Variants in GABBR2 observed in about 807,000 individuals in gnomAD.
GABBR2 encodes gamma-aminobutyric acid type B receptor subunit 2, also known as G-protein coupled receptor 51.
Under a neutral mutation model 105.6 loss-of-function variants are expected in GABBR2, and 23 were observed. The ratio of observed to expected loss-of-function variants is 0.22; its 90% confidence interval spans 0.16 to 0.31. The LOEUF is 0.31. Among genes scored for constraint, GABBR2 ranks in the 10% least tolerant of loss-of-function variants. The pLI is 1.00. For missense variants in GABBR2, 734 were observed against 1,245.5 expected, an observed-to-expected ratio of 0.59 and a Z score of 6.18; for synonymous variants, 478 against 499.7, an observed-to-expected ratio of 0.96 and a Z score of 0.58.
chr9:98,429,608 G>T (rs181722311), intron 7 of GABBR2, among the ~76,000 whole-genome samples: 14 of 152,272 alleles, frequency 9.2e-5, no homozygotes, highest in African/African-American at 3.4e-4. Flanking sequence ...AACAAGGCAT[G>T]GTGGTTAGGA....
intron 2 of GABBR2, among the ~76,000 whole-genome samples, chr9:98,575,791 CTTT>C (rs1828898702): frequency 1.3e-5 from 2 of 152,198 alleles, no homozygotes; most frequent in African/African-American, 4.8e-5. Flanking sequence ...CACATGGCTG[CTTT>C]TCTGGTCTCC....
chr9:98,655,763 A>C lies in GABBR2; in HGVS notation c.321+52654T>G, dbSNP rs144050787. Among the ~76,000 whole-genome samples, 13 of 152,174 alleles carry C rather than the reference A, an allele frequency of 8.5e-5. No homozygotes were observed. The East Asian group carries it at 1.7e-3, about 20-fold the overall frequency. On this transcript the variant is annotated intron_variant, in intron 1 of 18. Coordinates refer to ENST00000259455, the MANE Select transcript of GABBR2 (RefSeq NM_005458.8). Reference sequence around the variant, plus strand: ...AGAAAACCAAACACCGCACGTTCTCACTCATAAGTGGGAGTTGAACAATGA... The same window carrying C: ...AGAAAACCAAACACCGCACGTTCTCCCTCATAAGTGGGAGTTGAACAATGA...
chr9:98,516,183 C>T (rs572770274), intron 3 of GABBR2: 3 of 152,462 alleles, frequency 2.0e-5, no homozygotes, highest in Admixed American at 1.3e-4. Flanking sequence ...CAGAACTGGA[C>T]ATATCCAGGA....
At chr9:98,313,448 C>G (rs1443393990) in intron 13 of GABBR2, among the ~76,000 whole-genome samples, 1 of 152,150 alleles carries the variant, frequency 6.6e-6, no homozygotes, top group African/African-American at 2.4e-5. Context: ...CTTGCCTTCC[C>G]CATTCCATAT....
At chr9:98,493,596 T>G (rs1370561009) in intron 4 of GABBR2, among the ~76,000 whole-genome samples, 3 of 152,226 alleles carry the variant, frequency 2.0e-5, no homozygotes, top group African/African-American at 7.2e-5. Flanking sequence ...TGCTCTCTAC[T>G]ACCTCCAATG....
At chr9:98,644,958 T>C (rs1334186695) in intron 1 of GABBR2, among the ~76,000 whole-genome samples, 2 of 152,208 alleles carry the variant, frequency 1.3e-5, no homozygotes, top group African/African-American at 4.8e-5. Context: ...TTCAGCACTT[T>C]AGCCCAGCAA....
intron 17 of GABBR2, among the ~76,000 whole-genome samples, 175 bp downstream of exon 17, chr9:98,299,049 C>T (rs932109277): frequency 6.6e-6 from 1 of 152,204 alleles, no homozygotes; most frequent in African/African-American, 2.4e-5. Context: ...TCAAAGCGGA[C>T]ACTGAACTGT....
At chr9:98,322,977 A>G (rs1262969801) in intron 13 of GABBR2, among the ~76,000 whole-genome samples, 1 of 151,838 alleles carries the variant, frequency 6.6e-6, no homozygotes, top group East Asian at 1.9e-4. Context: ...TTCTGTGCTG[A>G]GTGTTATATA....
chr9:98,491,218 C>T (rs1827170253), intron 4 of GABBR2, among the ~76,000 whole-genome samples: 1 of 152,194 alleles, frequency 6.6e-6, no homozygotes, highest in Non-Finnish European at 1.5e-5. Context: ...TCCTGTTTGA[C>T]ACCTGTATCT....
At chr9:98,575,782 A>G (rs1289026348) in intron 2 of GABBR2, among the ~76,000 whole-genome samples, 1 of 152,228 alleles carries the variant, frequency 6.6e-6, no homozygotes, top group Non-Finnish European at 1.5e-5. Flanking sequence ...GCACCAGAGC[A>G]CATGGCTGCT....
At chr9:98,600,837 A>G (rs1459799019) in intron 1 of GABBR2, among the ~76,000 whole-genome samples, 1 of 152,094 alleles carries the variant, frequency 6.6e-6, no homozygotes, top group Non-Finnish European at 1.5e-5. Flanking sequence ...GTCTGGCCTC[A>G]CTGTGGCAGG....
At chr9:98,411,562 T>TG (rs1410212040) in intron 7 of GABBR2, among the ~76,000 whole-genome samples, 1 of 151,908 alleles carries the variant, frequency 6.6e-6, no homozygotes, top group African/African-American at 2.4e-5. Context: ...AAATCCCATT[T>TG]TTTTTTTGTT....
At chr9:98,656,250 G>A (rs1588271205) in intron 1 of GABBR2, among the ~76,000 whole-genome samples, 1 of 152,130 alleles carries the variant, frequency 6.6e-6, no homozygotes, top group South Asian at 2.1e-4. Context: ...TGGCGGAGAG[G>A]AGGAAGGGGT....
chr9:98,388,900 T>C lies in GABBR2; in HGVS notation c.1483A>G (p.Met495Val). The C allele has an allele frequency of 6.2e-7, 1 of 1,613,910 alleles. No individual in the cohort carries two copies. The highest frequency in any genetic ancestry group is 8.5e-7 in the Non-Finnish European group (1 of 1,179,862). Residue 495 changes from methionine to valine, a missense_variant, in exon 10 of 19, where the codon ATG becomes GTG. Physicochemically the swap from Met to Val is conservative, Grantham distance 21. This residue lies in a region of GABBR2 where 370 missense variants were observed against 648.9 expected (regional missense o/e 0.57). Transcript: ENST00000259455. This position sits in a 1 kb window ranked among gnomAD's most constrained non-coding sequence, Gnocchi z 4.4. ...TTGAAGAAGAGAAAAGCACTGGCCA[T>C]GATCATCCCGAGGATGGTGAGGGCA... ...LSALTILGMI[M>V]ASAFLFFNIK...
Position 98,290,598 on chromosome 9 carries a change from C to T in GABBR2, c.2812G>A (p.Val938Ile). ...RHVPPSFRVM[V>I]SGL The stretch of plus-strand genomic sequence containing the variant: ...GCCTCCCACCCTTACAGGCCCGAGA[C>T]CATGACTCGGAAGGAGGGTGGCACA... The change falls in exon 19 of 19, where the codon GTC (valine) becomes ATC (isoleucine). Residue 938 changes from valine to isoleucine, a missense_variant. Around this residue, in one of 7 missense-constraint regions of GABBR2, gnomAD observed 134 missense variants for 171.2 expected, o/e 0.78. Coordinates refer to ENST00000259455, the MANE Select transcript of GABBR2 (RefSeq NM_005458.8). 1 of 1,405,836 alleles carries T rather than the reference C, an allele frequency of 7.1e-7. No individual in the cohort carries two copies. Among genetic ancestry groups the T allele is most frequent in the Non-Finnish European group, 9.3e-7 (1 of 1,079,586 alleles). 87.1% of individuals were successfully genotyped at this position (1,405,836 alleles called of 1,614,324 possible).
chr9:98,481,812 C>T (rs998692440), intron 4 of GABBR2, among the ~76,000 whole-genome samples: 17 of 152,204 alleles, frequency 1.1e-4, no homozygotes, highest in African/African-American at 3.9e-4. Context: ...AAGCTCTATA[C>T]ATGGGATTAC....
At chr9:98,409,839 T>A (rs1310381104) in intron 7 of GABBR2, among the ~76,000 whole-genome samples, 1 of 152,190 alleles carries the variant, frequency 6.6e-6, no homozygotes, top group Non-Finnish European at 1.5e-5. Flanking sequence ...CTTGGCTTCC[T>A]CCCTTCCAGC....
At chr9:98,318,255 G>A (rs1830753614) in intron 13 of GABBR2, among the ~76,000 whole-genome samples, 2 of 152,222 alleles carry the variant, frequency 1.3e-5, no homozygotes, top group South Asian at 4.1e-4. Flanking sequence ...AGCAGTTCCA[G>A]GGGAGGAGCT....
At chr9:98,404,437 G>A (rs2131526912) in intron 8 of GABBR2, among the ~76,000 whole-genome samples, 1 of 152,244 alleles carries the variant, frequency 6.6e-6, no homozygotes, top group Non-Finnish European at 1.5e-5. Context: ...TCTGAATCCT[G>A]GTGGGATTTG....
Sources: allele counts gnomAD v4.1 joint callset (sites outside exome capture counted in the v4.1 genomes callset), GRCh38; gene constraint gnomAD v4.1.1; regional missense constraint gnomAD v4.1.1; non-coding constraint Gnocchi (gnomAD v3.1); transcripts MANE v1.5; gene names NCBI Gene and HGNC (gene_info 2026-07-23, HGNC 2026-07-21).